ARHGAP36: variants seen among roughly 807,000 people sequenced by gnomAD.
ARHGAP36 encodes Rho GTPase activating protein 36.
A neutral mutation model predicts 32.9 loss-of-function variants in ARHGAP36; 7 were observed. The observed-to-expected ratio is 0.21, with a 90% CI of 0.12 to 0.40. The LOEUF is 0.40. Among genes scored for constraint, ARHGAP36 ranks in the 10% least tolerant of loss-of-function variants. ARHGAP36 has a pLI of 1.00. For missense variants in ARHGAP36, 383 were observed against 442.2 expected, an observed-to-expected ratio of 0.87 and a Z score of 1.20; for synonymous variants, 165 against 168.3, an observed-to-expected ratio of 0.98 and a Z score of 0.15.
In ARHGAP36 at chrX:131,088,968, G is replaced by T; in HGVS notation, c.*183G>T. 3.4e-6 allele frequency: 2 copies of T among 593,744 alleles called. No individual in the cohort carries two copies. The highest frequency in any genetic ancestry group is 4.9e-6 in the Non-Finnish European group (2 of 408,460). The allele number at this position is 593,744 out of a possible 1,213,427, so 48.9% of individuals were successfully genotyped here. A position where few individuals can be genotyped will look rare whatever the true frequency, so the allele number is the denominator to read the frequency against. On this transcript the variant is annotated 3_prime_UTR_variant, in exon 12 of 12. Coordinates refer to ENST00000276211, the MANE Select transcript of ARHGAP36 (RefSeq NM_144967.4). ...GCCAGCCCCTTCACTGGGGATGCTT[G>T]GTCTCTTCTGCTGGTAAAAGCAGAG...
At position 131,084,349 on chromosome X, in the gene ARHGAP36, G is replaced by T; in HGVS notation, c.690G>T (p.Pro230=). ...CCAAAAGGAAGATGAGTCTCAATCC[G>T]ATTGCGAAACAAATCCCCCAGGTTG... ...LGSKRKMSLN[P]IAKQIPQVVE... The change falls in exon 5 of 12, where the codon CCG becomes CCT. Residue 230 remains proline (P), a synonymous_variant. Transcript: ENST00000276211. 3 of 1,210,644 alleles carry T rather than the reference G, an allele frequency of 2.5e-6. No homozygotes were observed. The highest frequency in any genetic ancestry group is 2.2e-6 in the Non-Finnish European group (2 of 895,235).
At chrX:131,062,164 G>T (rs759486616) in intron 1 of ARHGAP36, among the ~76,000 whole-genome samples, 1 of 112,315 alleles carries the variant, frequency 8.9e-6, no homozygotes, top group Non-Finnish European at 1.9e-5. Flanking sequence ...TGAAGAATAT[G>T]TAACAACATA....
At chrX:131,068,194 C>A (rs1164249118) in intron 1 of ARHGAP36, among the ~76,000 whole-genome samples, 2 of 111,925 alleles carry the variant, frequency 1.8e-5, no homozygotes, top group African/African-American at 3.3e-5. Flanking sequence ...CCCCCACACC[C>A]GGCCACACAC....
chrX:131,072,940 C>G (rs1038744615), intron 1 of ARHGAP36: 1 of 111,898 alleles, frequency 8.9e-6, no homozygotes, highest in African/African-American at 3.2e-5. Flanking sequence ...CAGCACTACC[C>G]GCTGCCGCCC....
At chrX:131,070,934 G>A (rs1180351561) in intron 1 of ARHGAP36, among the ~76,000 whole-genome samples, 1 of 108,986 alleles carries the variant, frequency 9.2e-6, no homozygotes, top group South Asian at 4.0e-4. Context: ...TTTCCTCTCC[G>A]GCGACACCCT....
intron 1 of ARHGAP36, among the ~76,000 whole-genome samples, chrX:131,061,064 G>C (rs1281095310): frequency 9.0e-6 from 1 of 111,377 alleles, no homozygotes; most frequent in Non-Finnish European, 1.9e-5. Context: ...CAGAACTGGG[G>C]CAGTATCTAA....
chrX:131,068,326 G>A (rs1246109045), intron 1 of ARHGAP36, among the ~76,000 whole-genome samples: 2 of 111,435 alleles, frequency 1.8e-5, no homozygotes, highest in East Asian at 5.7e-4. Flanking sequence ...GCGAGGAGGA[G>A]AGGAGGGGAA....
At chrX:131,080,627 A>G (rs2079791374) in intron 1 of ARHGAP36, among the ~76,000 whole-genome samples, 1 of 112,132 alleles carries the variant, frequency 8.9e-6, no homozygotes, top group South Asian at 3.7e-4. Context: ...CATCATGGAG[A>G]AGGCACATAT....
intron 1 of ARHGAP36, among the ~76,000 whole-genome samples, chrX:131,064,805 G>C (rs1420236719): frequency 1.8e-5 from 2 of 111,466 alleles, no homozygotes; most frequent in Admixed American, 1.9e-4. Flanking sequence ...GGGAAACCAT[G>C]ATCTCTCTCC....
rs1191757469 is a variant in ARHGAP36, at chrX:131,086,365, G to A, written c.1318G>A (p.Val440Met). 1.2e-5 allele frequency: 15 copies of A among 1,210,290 alleles called. No individual in the cohort carries two copies. The highest frequency in any genetic ancestry group is 3.5e-5 in the South Asian group (2 of 56,826). Reference sequence around the variant, plus strand: ...TATTCAGAGGCAGGTTGCTAAGCGCGTGTGGAAGTCCAGCCCGGAAGCACT... The same window carrying A: ...TATTCAGAGGCAGGTTGCTAAGCGCATGTGGAAGTCCAGCCCGGAAGCACT... Reference protein sequence around the residue: ...PHIQRQVAKRVWKSSPEALDF... With the variant: ...PHIQRQVAKRMWKSSPEALDF... The change falls in exon 10 of 12, where the codon GTG becomes ATG. Residue 440 changes from valine to methionine, a missense_variant. Coordinates refer to ENST00000276211, the MANE Select transcript of ARHGAP36 (RefSeq NM_144967.4).
intron 1 of ARHGAP36, among the ~76,000 whole-genome samples, chrX:131,070,239 G>A (rs12843362): frequency 0.018 from 1,973 of 112,580 alleles, 52 homozygotes; most frequent in Admixed American, 0.092. Context: ...CAACTAAGAA[G>A]AAAGCCTCTT....
Position 131,088,906 on chromosome X carries a change from C to T in ARHGAP36, c.*121C>T. 1 of 993,000 alleles carries T rather than the reference C, an allele frequency of 1.0e-6. No individual in the cohort carries two copies. The highest frequency in any genetic ancestry group is 3.8e-5 in the Admixed American group (1 of 26,491). The allele number at this position is 993,000 out of a possible 1,213,427, so 81.8% of individuals were successfully genotyped here. ...ATCTGAAGGTAAGAAGGAGTTCCAC[C>T]TGATGCTCGGGTCAGGATGAGAATT... On this transcript the variant is annotated 3_prime_UTR_variant, in exon 12 of 12. Coordinates refer to ENST00000276211, the MANE Select transcript of ARHGAP36 (RefSeq NM_144967.4).
At chrX:131,065,818 G>A (rs2060103271) in intron 1 of ARHGAP36, among the ~76,000 whole-genome samples, 1 of 111,957 alleles carries the variant, frequency 8.9e-6, no homozygotes, top group Non-Finnish European at 1.9e-5. Context: ...AGGCTCATTT[G>A]TGCCAGATGA....
At position 131,089,430 on chromosome X, in the gene ARHGAP36, G is replaced by A. The variant is rs1470171728; in HGVS notation, c.*645G>A. On this transcript the variant is annotated 3_prime_UTR_variant, in exon 12 of 12. Transcript: ENST00000276211. The stretch of plus-strand genomic sequence containing the variant: ...AGTTTTGCTCAGGTCACGCCAACAG[G>A]GAAACCTCAAGTGTAGGTCTAATTA... 1 of 112,790 alleles carries A rather than the reference G, an allele frequency of 8.9e-6. No individual in the cohort carries two copies. The highest frequency in any genetic ancestry group is 1.9e-5 in the Non-Finnish European group (1 of 53,407). 9.3% of individuals were successfully genotyped at this position (112,790 alleles called of 1,213,427 possible). A position where few individuals can be genotyped will look rare whatever the true frequency, so the allele number is the denominator to read the frequency against.
At chrX:131,061,359 G>A (rs2079667897) in intron 1 of ARHGAP36, among the ~76,000 whole-genome samples, 1 of 111,229 alleles carries the variant, frequency 9.0e-6, no homozygotes, top group African/African-American at 3.3e-5. Context: ...ACCATAGGAA[G>A]GCACTTGGGA....
At chrX:131,072,746 G>C (rs1158667024) in intron 1 of ARHGAP36, among the ~76,000 whole-genome samples, 1 of 111,574 alleles carries the variant, frequency 9.0e-6, no homozygotes, top group East Asian at 2.8e-4. Context: ...AAGATTGTGG[G>C]GTACAGTGAG....
At chrX:131,084,779 C>G in intron 6 of ARHGAP36, 98 bp downstream of exon 6, 1 of 1,162,469 alleles carries the variant, frequency 8.6e-7, no homozygotes, top group Non-Finnish European at 1.2e-6. Flanking sequence ...GGGGGAGGAG[C>G]AGGGTCTTCT....
intron 1 of ARHGAP36, among the ~76,000 whole-genome samples, chrX:131,064,650 T>C (rs2079687621): frequency 9.0e-6 from 1 of 111,468 alleles, no homozygotes; most frequent in South Asian, 3.8e-4. Flanking sequence ...AGAGGTGAAG[T>C]ATCCTTCCCA....
Position 131,086,673 on chromosome X carries a change from C to T in ARHGAP36, c.1486+8C>T. Reference sequence around the variant, plus strand: ...GCAAGCCTTCTGATGAAGGTCAGTTCCCTGCTGGAGGTCAGGCCCTTGCTG... The same window carrying T: ...GCAAGCCTTCTGATGAAGGTCAGTTTCCTGCTGGAGGTCAGGCCCTTGCTG... On this transcript the variant is annotated splice_region_variant and intron_variant, in intron 11 of 11. Coordinates refer to ENST00000276211, the MANE Select transcript of ARHGAP36 (RefSeq NM_144967.4). 1.7e-6 allele frequency: 2 copies of T among 1,206,710 alleles called. No homozygotes were observed. The highest frequency in any genetic ancestry group is 2.2e-6 in the Non-Finnish European group (2 of 891,209).
Sources: allele counts gnomAD v4.1 joint callset (sites outside exome capture counted in the v4.1 genomes callset), GRCh38; gene constraint gnomAD v4.1.1; transcripts MANE v1.5; gene names NCBI Gene and HGNC (gene_info 2026-07-23, HGNC 2026-07-21).